The following GRID2 variants were observed in gnomAD, a reference collection of about 807,000 sequenced individuals.
GRID2 encodes glutamate receptor ionotropic, delta-2.
Under a neutral mutation model 114.8 loss-of-function variants are expected in GRID2, and 33 were observed. The observed-to-expected ratio is 0.29, with a 90% CI of 0.22 to 0.38. The LOEUF (loss-of-function observed/expected upper bound fraction) is 0.38, where lower values mean the gene tolerates loss of function less well. GRID2 is among the 10% of genes least tolerant of loss of function. The probability of loss-of-function intolerance (pLI) is 1.00; values close to 1 mark genes in which losing one functional copy is unlikely to be tolerated. For synonymous variants in GRID2, 505 were observed against 449.9 expected, an observed-to-expected ratio of 1.12 and a Z score of -1.55; for missense variants, 1,184 against 1,257.7, an observed-to-expected ratio of 0.94 and a Z score of 0.89.
chr4:92,592,013 A>T (rs28613376), intron 2 of GRID2, among the ~76,000 whole-genome samples: 1,827 of 152,176 alleles, frequency 0.012, 28 homozygotes, highest in African/African-American at 0.041. Context: ...AAATATTAAT[A>T]AATTTTCTAT....
intron 13 of GRID2, among the ~76,000 whole-genome samples, chr4:93,587,160 T>G (rs1038310058): frequency 5.3e-5 from 8 of 152,092 alleles, no homozygotes; most frequent in African/African-American, 1.9e-4. Flanking sequence ...CAGCATTCTT[T>G]GTGCCACAGA....
intron 2 of GRID2, among the ~76,000 whole-genome samples, chr4:92,829,470 C>G (rs554049700): frequency 2.0e-5 from 3 of 152,106 alleles, no homozygotes; most frequent in Non-Finnish European, 4.4e-5. Flanking sequence ...GAAATAGGAA[C>G]ACCTTTACAC....
chr4:92,935,551 C>G (rs190673573), intron 2 of GRID2, among the ~76,000 whole-genome samples: 30 of 146,338 alleles, frequency 2.1e-4, no homozygotes, highest in African/African-American at 6.6e-4. Context: ...ACCCAAAGGA[C>G]TATAAATCAT....
chr4:93,439,911 G>A (rs1328773569), intron 10 of GRID2, among the ~76,000 whole-genome samples: 1 of 151,976 alleles, frequency 6.6e-6, no homozygotes, highest in Non-Finnish European at 1.5e-5. Context: ...GCTGCAGGGA[G>A]GCACAATTCC....
At chr4:92,836,791 G>A (rs1409596848) in intron 2 of GRID2, among the ~76,000 whole-genome samples, 2 of 152,066 alleles carry the variant, frequency 1.3e-5, no homozygotes, top group Non-Finnish European at 2.9e-5. Context: ...ACTTAGTTTA[G>A]TATTTGGTAA....
At chr4:92,693,658 T>A (rs1231232611) in intron 2 of GRID2, among the ~76,000 whole-genome samples, 1 of 152,134 alleles carries the variant, frequency 6.6e-6, no homozygotes, top group Non-Finnish European at 1.5e-5. Flanking sequence ...ACAAATTGAG[T>A]GGAATTACAT....
chr4:92,515,506 C>T (rs1286149509), intron 1 of GRID2, among the ~76,000 whole-genome samples: 12 of 151,820 alleles, frequency 7.9e-5, no homozygotes, highest in Admixed American at 7.9e-4. Context: ...TCAGAAGAAT[C>T]TCATTTCCTG....
At chr4:92,693,199 A>G (rs990793481) in intron 2 of GRID2, among the ~76,000 whole-genome samples, 42 of 152,056 alleles carry the variant, frequency 2.8e-4, no homozygotes, top group African/African-American at 8.4e-4. Context: ...CGTTCTAGTA[A>G]TCTCAAATGT....
intron 5 of GRID2, among the ~76,000 whole-genome samples, chr4:93,210,612 C>G (rs1743350807): frequency 1.3e-5 from 2 of 151,908 alleles, no homozygotes; most frequent in Admixed American, 1.3e-4. Flanking sequence ...TGTTTTTGAC[C>G]ATGAGAACAA....
intron 1 of GRID2, among the ~76,000 whole-genome samples, chr4:92,375,597 C>G (rs1729317451): frequency 6.6e-6 from 1 of 152,114 alleles, no homozygotes; most frequent in Admixed American, 6.5e-5. Context: ...AAAGGAGAAA[C>G]TGTTTAATGC....
intron 2 of GRID2, among the ~76,000 whole-genome samples, chr4:92,640,039 C>T (rs1055847733): frequency 2.2e-4 from 34 of 151,734 alleles, no homozygotes; most frequent in African/African-American, 7.5e-4. Context: ...TGCAGAGTAC[C>T]TGGCAATGGC....
intron 9 of GRID2, among the ~76,000 whole-genome samples, chr4:93,401,525 C>T (rs570811090): frequency 6.6e-6 from 1 of 151,942 alleles, no homozygotes; most frequent in African/African-American, 2.4e-5. Context: ...AATGGATATT[C>T]CTGGAAAGTT....
chr4:93,186,879 T>G (rs192864075), intron 4 of GRID2, among the ~76,000 whole-genome samples: 4 of 152,330 alleles, frequency 2.6e-5, no homozygotes, highest in Admixed American at 2.6e-4. Context: ...CTGGGTAATT[T>G]ATAAACAACG....
At chr4:93,554,426 C>T (rs1475332856) in intron 13 of GRID2, among the ~76,000 whole-genome samples, 1 of 136,928 alleles carries the variant, frequency 7.3e-6, no homozygotes, top group Admixed American at 7.0e-5. Context: ...TTTTTCTGCA[C>T]ATAAATTTTT....
At chr4:92,722,507 A>G (rs983501525) in intron 2 of GRID2, among the ~76,000 whole-genome samples, 6 of 152,126 alleles carry the variant, frequency 3.9e-5, no homozygotes, top group African/African-American at 1.2e-4. Context: ...AAAAGAAACT[A>G]TTGTGTACTG....
intron 1 of GRID2, among the ~76,000 whole-genome samples, chr4:92,528,462 T>C (rs941134036): frequency 1.3e-5 from 2 of 151,916 alleles, no homozygotes; most frequent in Non-Finnish European, 2.9e-5. Context: ...TGTTACAAAA[T>C]AGAATGTGAC....
chr4:93,274,818 G>A (rs573799446), intron 8 of GRID2, among the ~76,000 whole-genome samples: 3 of 152,070 alleles, frequency 2.0e-5, no homozygotes, highest in Non-Finnish European at 4.4e-5. Context: ...ACAAAGTCTA[G>A]TCTCTGAATT....
intron 1 of GRID2, among the ~76,000 whole-genome samples, chr4:92,311,563 A>T (rs147010288): frequency 0.01 from 1,541 of 152,240 alleles, 28 homozygotes; most frequent in African/African-American, 0.035. Context: ...AGCAATTTGC[A>T]TATGTTTTTC....
chr4:93,737,710 C>T (rs904446228), intron 14 of GRID2, among the ~76,000 whole-genome samples: 4 of 152,116 alleles, frequency 2.6e-5, no homozygotes, highest in Non-Finnish European at 5.9e-5. Flanking sequence ...AAGATTCCAT[C>T]TCTCAAGAAA....
Sources: allele counts gnomAD v4.1 joint callset (sites outside exome capture counted in the v4.1 genomes callset), GRCh38; gene constraint gnomAD v4.1.1; transcripts MANE v1.5; gene names NCBI Gene and HGNC (gene_info 2026-07-23, HGNC 2026-07-21).